The following EPHA5 variants were observed in gnomAD, a reference collection of about 807,000 sequenced individuals.
EPHA5 encodes the protein EPH receptor A5.
A neutral mutation model predicts 105.0 loss-of-function variants in EPHA5; 60 were observed. The ratio of observed to expected loss-of-function variants is 0.57; its 90% CI spans 0.46 to 0.71. The LOEUF is 0.71. Ranked by LOEUF, EPHA5 falls within the 30% of genes least tolerant of loss-of-function variation. The pLI, the probability that EPHA5 is intolerant of heterozygous loss-of-function variation, is 0.00. For synonymous variants in EPHA5, 513 were observed against 449.1 expected (o/e 1.14, Z -1.80); for missense variants, 1,218 against 1,274.7 (o/e 0.96, Z 0.68).
chr4:65,442,913 G>A (rs1233804816), intron 5 of EPHA5, among the ~76,000 whole-genome samples: 1 of 152,070 alleles, frequency 6.6e-6, no homozygotes, highest in Non-Finnish European at 1.5e-5. Context: ...CACTTGAGAT[G>A]ACAACTCTAA....
chr4:65,528,361 A>T (rs569269130), intron 3 of EPHA5, among the ~76,000 whole-genome samples: 3 of 152,006 alleles, frequency 2.0e-5, no homozygotes, highest in Non-Finnish European at 4.4e-5. Flanking sequence ...AGACAAAAAT[A>T]TGTTTCTTAA....
intron 14 of EPHA5, among the ~76,000 whole-genome samples, chr4:65,342,160 G>A (rs1721790884): frequency 1.3e-5 from 1 of 78,164 alleles, no homozygotes. Flanking sequence ...CAAGATTTTT[G>A]TTTTGTTGTT....
chr4:65,601,884 G>A lies in EPHA5; in HGVS notation c.667C>T (p.Leu223=), dbSNP rs2149438793. 1 of 1,614,116 alleles carries A rather than the reference G, an allele frequency of 6.2e-7. No individual in the cohort carries two copies. The highest frequency in any genetic ancestry group is 8.5e-7 in the Non-Finnish European group (1 of 1,180,020). ...TTATAGTATACACGCACAGAAACCA[G>A]AGCAATGCAAGCACCAACATCTTGA... is the stretch of plus-strand genomic sequence containing the variant. The part of the protein sequence containing the change: ...AFQDVGACIA[L]VSVRVYYKKC... Residue 223 remains leucine (L), a synonymous_variant, in exon 3 of 17, where the codon CTG becomes TTG. Coordinates refer to ENST00000613740, the MANE Select transcript of EPHA5 (RefSeq NM_001281766.3).
At chr4:65,637,569 C>CATATATGT (rs1553958770) in intron 2 of EPHA5, among the ~76,000 whole-genome samples, 1 of 112,436 alleles carries the variant, frequency 8.9e-6, no homozygotes, top group Non-Finnish European at 1.9e-5. Flanking sequence ...ATGAGTTTTG[C>CATATATGT]ATATATATAT....
chr4:65,408,983 T>C (rs1030205380), intron 7 of EPHA5, among the ~76,000 whole-genome samples: 27 of 145,040 alleles, frequency 1.9e-4, no homozygotes, highest in African/African-American at 6.3e-4. Flanking sequence ...ATGTGGCACA[T>C]ATACACCATG....
chr4:65,473,458 C>A (rs982994063), intron 5 of EPHA5, among the ~76,000 whole-genome samples: 2 of 152,036 alleles, frequency 1.3e-5, no homozygotes, highest in Non-Finnish European at 2.9e-5. Flanking sequence ...AGCTGGGAGG[C>A]CTCAGGAAAG....
chr4:65,486,271 C>G (rs1217846125), intron 5 of EPHA5, among the ~76,000 whole-genome samples: 1 of 151,754 alleles, frequency 6.6e-6, no homozygotes, highest in East Asian at 1.9e-4. Context: ...TTACACCCCC[C>G]CACCCCCATT....
chr4:65,429,909 C>T (rs1166501547), intron 5 of EPHA5, among the ~76,000 whole-genome samples: 4 of 151,990 alleles, frequency 2.6e-5, no homozygotes, highest in Non-Finnish European at 4.4e-5. Context: ...CTCTCATAAA[C>T]ATCCCAATCA....
At chr4:65,563,436 A>G (rs1739223135) in intron 3 of EPHA5, among the ~76,000 whole-genome samples, 1 of 152,100 alleles carries the variant, frequency 6.6e-6, no homozygotes, top group Non-Finnish European at 1.5e-5. Flanking sequence ...TCTGATTCTA[A>G]CATAATTATA....
intron 5 of EPHA5, among the ~76,000 whole-genome samples, chr4:65,485,372 A>G (rs965507857): frequency 1.2e-4 from 18 of 152,106 alleles, no homozygotes; most frequent in Admixed American, 8.5e-4. Context: ...TTGACCAAGA[A>G]AAGTCTCACA....
At chr4:65,659,726 C>T (rs928144857) in intron 1 of EPHA5, among the ~76,000 whole-genome samples, 4 of 152,204 alleles carry the variant, frequency 2.6e-5, no homozygotes, top group Non-Finnish European at 5.9e-5. Context: ...AGCCTGCAAG[C>T]ACACGCATAC....
chr4:65,636,665 T>C (rs1747147212), intron 2 of EPHA5, among the ~76,000 whole-genome samples: 1 of 152,174 alleles, frequency 6.6e-6, no homozygotes, highest in Non-Finnish European at 1.5e-5. Flanking sequence ...ACACTGCATG[T>C]GCCAAATACA....
chr4:65,464,840 T>C (rs1018999889), intron 5 of EPHA5, among the ~76,000 whole-genome samples: 3 of 152,080 alleles, frequency 2.0e-5, no homozygotes, highest in African/African-American at 7.2e-5. Flanking sequence ...TTGGAATTAA[T>C]AGCATTTAAA....
Position 65,640,937 on chromosome 4 carries a change from C to A in EPHA5, c.246+2426G>T, listed in dbSNP as rs543242177. Among the ~76,000 whole-genome samples, 7 of 152,260 alleles carry A rather than the reference C, an allele frequency of 4.6e-5. No homozygotes were observed. In the South Asian group the frequency reaches 1.2e-3, roughly 27 times the overall value. On this transcript the variant is annotated intron_variant, in intron 2 of 16. Coordinates refer to ENST00000613740, the MANE Select transcript of EPHA5 (RefSeq NM_001281766.3). ...AGCTTTCCCTAAGTTTTCTGGTTGG[C>A]AAGCCTATTGTTTGTCCCAAATTTT...
intron 1 of EPHA5, among the ~76,000 whole-genome samples, chr4:65,669,237 C>T (rs913170555): frequency 6.6e-6 from 1 of 151,936 alleles, no homozygotes; most frequent in Non-Finnish European, 1.5e-5. Context: ...CCAGCCGCAC[C>T]CATCCCCCTG....
intron 11 of EPHA5, among the ~76,000 whole-genome samples, chr4:65,356,543 C>T (rs1222748874): frequency 6.6e-6 from 1 of 151,410 alleles, no homozygotes; most frequent in Non-Finnish European, 1.5e-5. Flanking sequence ...CAGCTAGTGT[C>T]ATCTAATTTT....
At chr4:65,483,289 T>C (rs954901628) in intron 5 of EPHA5, among the ~76,000 whole-genome samples, 8 of 152,224 alleles carry the variant, frequency 5.3e-5, no homozygotes, top group Non-Finnish European at 4.4e-5. Context: ...GTTCCAAGTC[T>C]TTGCTATTGT....
At chr4:65,355,790 C>A (rs1025212890) in intron 11 of EPHA5, among the ~76,000 whole-genome samples, 1 of 151,504 alleles carries the variant, frequency 6.6e-6, no homozygotes. Flanking sequence ...ACATGGGCAA[C>A]TCCGGCATCA....
chr4:65,486,300 G>A (rs1410072409), intron 5 of EPHA5, among the ~76,000 whole-genome samples: 1 of 148,082 alleles, frequency 6.8e-6, no homozygotes, highest in Non-Finnish European at 1.5e-5. Flanking sequence ...TATATGAAGA[G>A]GGTATTTAAG....
Sources: gnomAD v4.1 joint callset for allele counts (sites outside exome capture counted in the v4.1 genomes callset) on GRCh38, gnomAD v4.1.1 for gene constraint, MANE v1.5 for transcripts, NCBI Gene and HGNC (gene_info 2026-07-23, HGNC 2026-07-21) for gene names.